Variants in EVPL observed in about 807,000 individuals in gnomAD.
EVPL encodes envoplakin.
In EVPL, 94 loss-of-function variants were observed where a neutral mutation model predicts 129.7. The ratio of observed to expected loss-of-function variants is 0.72; its 90% CI spans 0.61 to 0.86. The LOEUF is 0.86. Ranked by LOEUF, EVPL falls within the 40% of genes least tolerant of loss-of-function variation. The probability of loss-of-function intolerance (pLI) is 0.00; values close to 1 mark genes in which losing one functional copy is unlikely to be tolerated. For missense variants in EVPL, 2,625 were observed against 2,721.1 expected, an observed-to-expected ratio of 0.96 and a Z score of 0.79; for synonymous variants, 1,172 against 1,191.1, an observed-to-expected ratio of 0.98 and a Z score of 0.33.
At chr17:76,026,214 G>T (rs1178021924) in intron 1 of EVPL, among the ~76,000 whole-genome samples, 1 of 151,076 alleles carries the variant, frequency 6.6e-6, no homozygotes, top group Non-Finnish European at 1.5e-5. Context: ...AAAGTTGTAG[G>T]ATTGCAGGCG....
chr17:76,014,687 G>T, intron 17 of EVPL, 111 bp from the exon 18 acceptor site: 1 of 1,424,036 alleles, frequency 7.0e-7, no homozygotes, highest in South Asian at 1.3e-5. Flanking sequence ...CAGGAGGCCC[G>T]AGTGGCCTGC....
At chr17:76,023,716 C>T in intron 2 of EVPL, 62 bp from the exon 3 acceptor site, 1 of 1,464,790 alleles carries the variant, frequency 6.8e-7, no homozygotes, top group Non-Finnish European at 9.0e-7. Context: ...TGCTGCCCAT[C>T]ACTGTGGGCC....
rs1395193983 is a variant in EVPL at position 76,023,300 on chromosome 17, G to C, written c.472C>G (p.Gln158Glu). The C allele has an allele frequency of 6.2e-7, 1 of 1,613,864 alleles. No individual in the cohort carries two copies. Among genetic ancestry groups the C allele is most frequent in the Admixed American group, 1.7e-5 (1 of 60,020 alleles). ...PRVDWARVLE[Q>E]KQKQVCAGQY... ...GACTTTGAGTTCCTGACCTGTTTCT[G>C]CTCCAGCACGCGTGCCCAGTCGACC... Residue 158 changes from glutamine (Q) to glutamate (E), a missense_variant, in exon 4 of 22, where the codon CAG becomes GAG. Gln to Glu is a conservative substitution (Grantham distance 29, BLOSUM62 2). Transcript: ENST00000301607.
rs2066486750 is a variant in EVPL at position 76,024,625 on chromosome 17, C to A, written c.99-505G>T. ...CCTCCACCCCAGGGAGCCTTGCCAG[C>A]ATGCTGGCTTCAGTAGCCATCTAGA... is the stretch of plus-strand genomic sequence containing the variant. On this transcript the variant is annotated intron_variant, in intron 1 of 21. Transcript: ENST00000301607. The surrounding 1 kb of genome is among the most constrained non-coding windows in gnomAD (Gnocchi z 4.5). Among the ~76,000 whole-genome samples the A allele has an allele frequency of 6.6e-6, 1 of 152,178 alleles. No homozygotes were observed. Among genetic ancestry groups the A allele is most frequent in the Non-Finnish European group, 1.5e-5 (1 of 68,032 alleles).
chr17:76,020,540 G>A (rs1389982980), intron 9 of EVPL, among the ~76,000 whole-genome samples: 2 of 151,642 alleles, frequency 1.3e-5, no homozygotes, highest in Non-Finnish European at 2.9e-5. Flanking sequence ...CAGTCTTGTG[G>A]TTCTATAGGA....
rs140643073 is a variant in EVPL, at chr17:76,007,891, G to T, written c.5314C>A (p.Pro1772Thr). ...ACAAGCAGCGCAAACTCGGAGATGG[G>T]CAGGTGGCCGTCCTTGTACAGATGG... ...EYHLYKDGHL[P>T]ISEFALLVAG... Residue 1772 changes from proline (P) to threonine (T), a missense_variant, in exon 22 of 22, where the codon CCC (proline) becomes ACC (threonine). Pro to Thr is a conservative substitution (Grantham distance 38). This residue lies in a region of EVPL where 1,453 missense variants were observed against 1,511.8 expected (regional missense o/e 0.96). Coordinates refer to ENST00000301607, the MANE Select transcript of EVPL (RefSeq NM_001988.4). The surrounding 1 kb of genome is among the most constrained non-coding windows in gnomAD (Gnocchi z 8.8). The T allele has an allele frequency of 6.2e-7, 1 of 1,613,916 alleles. No individual in the cohort carries two copies. The highest frequency in any genetic ancestry group is 1.3e-5 in the African/African-American group (1 of 74,912).
Position 76,008,269 on chromosome 17 carries a change from G to A in EVPL, c.4936C>T (p.Leu1646Phe). Residue 1646 changes from leucine to phenylalanine, a missense_variant, in exon 22 of 22, where the codon CTC becomes TTC. By Grantham distance (22) the Leu-to-Phe change is conservative (BLOSUM62 0). Transcript: ENST00000301607. The surrounding 1 kb of genome is among the most constrained non-coding windows in gnomAD (Gnocchi z 7.4). The part of the protein sequence containing the change: ...QELSRLEAAI[L>F]REKDQIYEKE... ...TCGTAGATCTGGTCCTTCTCGCGGA[G>A]GATGGCCGCCTCCAGCCGCGAGAGC... The A allele has an allele frequency of 3.1e-6, 5 of 1,612,590 alleles. No homozygotes were observed. Among genetic ancestry groups the A allele is most frequent in the Non-Finnish European group, 4.2e-6 (5 of 1,179,972 alleles).
Position 76,012,052 on chromosome 17 carries a change from C to A in EVPL, c.2411G>T (p.Arg804Met). 6.2e-7 allele frequency: 1 copy of A among 1,612,200 alleles called. No individual in the cohort carries two copies. Among genetic ancestry groups the A allele is most frequent in the Non-Finnish European group, 8.5e-7 (1 of 1,179,630 alleles). ...TQEIQSRERDRATASHLSQAL... is the reference protein window; with the variant it reads ...TQEIQSRERDMATASHLSQAL... ...CTGGGAGAGGTGGGATGCTGTGGCCCTGTCCCGCTCTCGGCTCTGGATCTC... is the reference window on the plus strand; with the variant it reads ...CTGGGAGAGGTGGGATGCTGTGGCCATGTCCCGCTCTCGGCTCTGGATCTC... The change falls in exon 19 of 22, where the codon AGG becomes ATG. Residue 804 changes from arginine to methionine, a missense_variant. By Grantham distance (91) the Arg-to-Met change is moderately conservative. This residue lies in a region of EVPL where 1,024 missense variants were observed against 997.5 expected (regional missense o/e 1.03). Transcript: ENST00000301607.
rs751058801 is a variant in EVPL at position 76,009,096 on chromosome 17, A to T, written c.4109T>A (p.Val1370Glu). ...GGTGACCACCACCTCCTGCACCACC[A>T]CCTTCTCCTCGGGCTTCCTCCTCTC... ...LLERRKPEEK[V>E]VVQEVVVTQK... The change falls in exon 22 of 22, where the codon GTG (valine) becomes GAG (glutamate). Residue 1370 changes from valine to glutamate, a missense_variant. Transcript: ENST00000301607. The surrounding 1 kb of genome is among the most constrained non-coding windows in gnomAD (Gnocchi z 5.9). 6.2e-7 allele frequency: 1 copy of T among 1,612,118 alleles called. No homozygotes were observed. Among genetic ancestry groups the T allele is most frequent in the South Asian group, 1.1e-5 (1 of 90,978 alleles).
rs1210438422 is a variant in EVPL, at chr17:76,024,172, C to T, written c.99-52G>A. ...GCTCGGTGGAAGAGGCCCCTCTGTGCCCCATCCAGGTGGCATCCCCTGCCC... is the reference window on the plus strand; with the variant it reads ...GCTCGGTGGAAGAGGCCCCTCTGTGTCCCATCCAGGTGGCATCCCCTGCCC... On this transcript the variant is annotated intron_variant, in intron 1 of 21. Coordinates refer to ENST00000301607, the MANE Select transcript of EVPL (RefSeq NM_001988.4). This position sits in a 1 kb window ranked among gnomAD's most constrained non-coding sequence, Gnocchi z 4.5. The T allele has an allele frequency of 1.3e-6, 2 of 1,557,156 alleles. No homozygotes were observed. The highest frequency in any genetic ancestry group is 1.8e-5 in the Admixed American group (1 of 56,810).
At chr17:76,025,818 C>A (rs563327219) in intron 1 of EVPL, among the ~76,000 whole-genome samples, 1 of 152,330 alleles carries the variant, frequency 6.6e-6, no homozygotes, top group Admixed American at 6.5e-5. Flanking sequence ...CGAGCTGAAG[C>A]CAGTGAGTGG....
rs151277429 is a variant in EVPL at position 76,007,282 on chromosome 17, C to T, written c.5923G>A (p.Glu1975Lys). 30 of 1,556,860 alleles carry T rather than the reference C, an allele frequency of 1.9e-5. No individual in the cohort carries two copies. Among genetic ancestry groups the T allele is most frequent in the East Asian group, 4.5e-5 (2 of 44,292 alleles). Residue 1975 changes from glutamate to lysine, a missense_variant, in exon 22 of 22, where the codon GAG (glutamate) becomes AAG (lysine). Transcript: ENST00000301607. This position sits in a 1 kb window ranked among gnomAD's most constrained non-coding sequence, Gnocchi z 8.8. ...GTCAAATCCTTCTCGTAGCTGGACT[C>T]GTCCTGCAGGAGCTGGGCCAGCTCT... The part of the protein sequence containing the change: ...SEELAQLLQD[E>K]SSYEKDLTDP...
rs1409500216 is a variant in EVPL, at chr17:76,013,474, C to A, written c.2373+952G>T. ...GCCACCTCATTTCAGCATGACCCAGCCGGCCCCATTCCTCTCCCCAAATAT... is the reference window on the plus strand; with the variant it reads ...GCCACCTCATTTCAGCATGACCCAGACGGCCCCATTCCTCTCCCCAAATAT... On this transcript the variant is annotated intron_variant, in intron 18 of 21. Coordinates refer to ENST00000301607, the MANE Select transcript of EVPL (RefSeq NM_001988.4). This position sits in a 1 kb window ranked among gnomAD's most constrained non-coding sequence, Gnocchi z 4.3. Among the ~76,000 whole-genome samples the A allele has an allele frequency of 6.6e-6, 1 of 152,162 alleles. No homozygotes were observed. The highest frequency in any genetic ancestry group is 2.4e-5 in the African/African-American group (1 of 41,426).
At position 76,022,130 on chromosome 17, in the gene EVPL, TCCGGGCGG is replaced by T. The variant is rs2066465293; in HGVS notation, c.645+51_645+58del. The T allele has an allele frequency of 6.2e-7, 1 of 1,601,548 alleles. No individual in the cohort carries two copies. The highest frequency in any genetic ancestry group is 8.5e-7 in the Non-Finnish European group (1 of 1,175,504). ...TCAGGAACACTGGCCCCGGGCAGGGTCCGGGCGGCCACCCAGGCCCACCCGCAGCCTCC... is the reference window on the plus strand; with the variant it reads ...TCAGGAACACTGGCCCCGGGCAGGGTCCACCCAGGCCCACCCGCAGCCTCC... On this transcript the variant is annotated intron_variant, in intron 6 of 21. Coordinates refer to ENST00000301607, the MANE Select transcript of EVPL (RefSeq NM_001988.4). This position sits in a 1 kb window ranked among gnomAD's most constrained non-coding sequence, Gnocchi z 5.6.
At position 76,013,762 on chromosome 17, in the gene EVPL, A is replaced by G. The variant is rs1598235873; in HGVS notation, c.2373+664T>C. Among the ~76,000 whole-genome samples, 1 of 150,660 alleles carries G rather than the reference A, an allele frequency of 6.6e-6. No homozygotes were observed. The highest frequency in any genetic ancestry group is 2.1e-4 in the South Asian group (1 of 4,728). On this transcript the variant is annotated intron_variant, in intron 18 of 21. Transcript: ENST00000301607. This position sits in a 1 kb window ranked among gnomAD's most constrained non-coding sequence, Gnocchi z 4.3. Reference sequence around the variant, plus strand: ...CGTGGGCCTCCGTGTCTTCATTCCCACCCTCTTAGTCATTCTCTACATGGC... The same window carrying G: ...CGTGGGCCTCCGTGTCTTCATTCCCGCCCTCTTAGTCATTCTCTACATGGC...
rs1320261164 is a variant in EVPL, at chr17:76,009,221, T to C, written c.3984A>G (p.Lys1328=). The C allele has an allele frequency of 1.9e-6, 3 of 1,608,118 alleles. No homozygotes were observed. The highest frequency in any genetic ancestry group is 2.5e-6 in the Non-Finnish European group (3 of 1,179,770). ...CCTCCTGGCGGAGCCGCTCTGCTTCTTTCTCCAGCACCGGGTCCTTCTCGT... is the reference window on the plus strand; with the variant it reads ...CCTCCTGGCGGAGCCGCTCTGCTTCCTTCTCCAGCACCGGGTCCTTCTCGT... ...VRHEKDPVLE[K]EAERLRQEVR... is the part of the protein sequence containing the mutation. Residue 1328 remains lysine, a synonymous_variant, in exon 22 of 22, where the codon AAA becomes AAG. Coordinates refer to ENST00000301607, the MANE Select transcript of EVPL (RefSeq NM_001988.4). This position sits in a 1 kb window ranked among gnomAD's most constrained non-coding sequence, Gnocchi z 5.9.
intron 13 of EVPL, 43 bp downstream of exon 13, chr17:76,018,118 C>A: frequency 6.5e-7 from 1 of 1,549,876 alleles, no homozygotes; most frequent in Non-Finnish European, 8.7e-7. Flanking sequence ...GAATCTACTC[C>A]TTCTAGCCCC....
chr17:76,022,525 G>A lies in EVPL; in HGVS notation c.494C>T (p.Ala165Val), dbSNP rs151065060. 11 of 1,606,908 alleles carry A rather than the reference G, an allele frequency of 6.8e-6. No homozygotes were observed. In the East Asian group the frequency reaches 2.0e-4, roughly 29 times the overall value. The change falls in exon 5 of 22, where the codon GCA becomes GTA. Residue 165 changes from alanine (A) to valine (V), a missense_variant. Ala to Val is a moderately conservative substitution (Grantham distance 64). Around this residue, in one of 4 missense-constraint regions of EVPL, gnomAD observed 1,024 missense variants for 997.5 expected, o/e 1.03. Coordinates refer to ENST00000301607, the MANE Select transcript of EVPL (RefSeq NM_001988.4). The surrounding 1 kb of genome is among the most constrained non-coding windows in gnomAD (Gnocchi z 5.6). Reference protein sequence around the residue: ...VLEQKQKQVCAGQYGPGMAEL... With the variant: ...VLEQKQKQVCVGQYGPGMAEL... The stretch of plus-strand genomic sequence containing the variant: ...CGCCATGCCCGGCCCGTACTGGCCT[G>A]CGCAGACCTGCTTCTGCAGGAGAGC...
chr17:76,008,508 C>G lies in EVPL; in HGVS notation c.4697G>C (p.Arg1566Pro), dbSNP rs200253222. 5 of 1,604,284 alleles carry G rather than the reference C, an allele frequency of 3.1e-6. No homozygotes were observed. The highest frequency in any genetic ancestry group is 1.7e-5 in the Admixed American group (1 of 59,604). ...EARRLRERID[R>P]AETLGRTWSR... is the part of the protein sequence containing the mutation. ...CCAGGTTCTCCCCAGCGTCTCGGCCCGGTCAATGCGCTCCCGCAGGCGCCG... is the reference window on the plus strand; with the variant it reads ...CCAGGTTCTCCCCAGCGTCTCGGCCGGGTCAATGCGCTCCCGCAGGCGCCG... Residue 1566 changes from arginine (R) to proline (P), a missense_variant, in exon 22 of 22, where the codon CGG (arginine) becomes CCG (proline). This residue lies in a region of EVPL where 1,453 missense variants were observed against 1,511.8 expected (regional missense o/e 0.96). Coordinates refer to ENST00000301607, the MANE Select transcript of EVPL (RefSeq NM_001988.4). This position sits in a 1 kb window ranked among gnomAD's most constrained non-coding sequence, Gnocchi z 7.4.
Sources: allele counts gnomAD v4.1 joint callset (sites outside exome capture counted in the v4.1 genomes callset), GRCh38; gene constraint gnomAD v4.1.1; regional missense constraint gnomAD v4.1.1; non-coding constraint Gnocchi (gnomAD v3.1); transcripts MANE v1.5; gene names NCBI Gene and HGNC (gene_info 2026-07-23, HGNC 2026-07-21).